KANK1: variants seen among roughly 807,000 people sequenced by gnomAD.
KANK1 encodes KN motif and ankyrin repeat domain-containing protein 1.
A neutral mutation model predicts 106.2 loss-of-function variants in KANK1; 109 were observed. The observed-to-expected ratio is 1.03, with a 90% CI of 0.88 to 1.20. KANK1 has a LOEUF of 1.20. KANK1 is among the 50% of genes most tolerant of loss of function. KANK1 has a pLI of 0.00. For synonymous variants in KANK1, 873 were observed against 652.2 expected, an observed-to-expected ratio of 1.34 and a Z score of -5.16; for missense variants, 2,399 against 1,710.7, an observed-to-expected ratio of 1.40 and a Z score of -7.10.
chr9:645,221 G>A (rs1189914460), intron 1 of KANK1, among the ~76,000 whole-genome samples: 1 of 149,202 alleles, frequency 6.7e-6, no homozygotes, highest in African/African-American at 2.6e-5. Flanking sequence ...TGGGCAGATC[G>A]CTTAGGGTCA....
In KANK1 at chr9:745,272, T is replaced by C. The variant is rs776900220; in HGVS notation, c.*37T>C. On this transcript the variant is annotated 3_prime_UTR_variant, in exon 12 of 12. Coordinates refer to ENST00000382297, the MANE Select transcript of KANK1 (RefSeq NM_015158.5). ...TAGCCCTTTATTTACATGCCACTAT[T>C]AAGCTGCTAATTGTTCCTGTTGGGG... The C allele has an allele frequency of 1.9e-6, 3 of 1,612,844 alleles. No homozygotes were observed. Among genetic ancestry groups the C allele is most frequent in the African/African-American group, 1.3e-5 (1 of 75,010 alleles).
intron 5 of KANK1, 178 bp from the exon 6 acceptor site, chr9:732,200 A>G (rs900301022): frequency 6.3e-6 from 4 of 631,998 alleles, no homozygotes; most frequent in African/African-American, 1.8e-5. Context: ...AGTTTAAGTT[A>G]GAGTCCATTC....
intron 1 of KANK1, among the ~76,000 whole-genome samples, chr9:522,577 G>T (rs527254080): frequency 6.6e-6 from 1 of 151,830 alleles, no homozygotes; most frequent in Admixed American, 6.5e-5. Context: ...GTACCCCAGG[G>T]TTTGTTCTCC....
At chr9:624,962 G>C (rs1467941823) in intron 1 of KANK1, among the ~76,000 whole-genome samples, 1 of 152,200 alleles carries the variant, frequency 6.6e-6, no homozygotes. Context: ...TATGCCCTGA[G>C]CAAGCTATTT....
intron 1 of KANK1, among the ~76,000 whole-genome samples, chr9:592,409 C>G (rs1484476722): frequency 6.6e-6 from 1 of 151,824 alleles, no homozygotes; most frequent in Non-Finnish European, 1.5e-5. Flanking sequence ...TACATCCATA[C>G]TGAATAAATG....
chr9:478,124 CAGAA>C (rs574025017), intron 3 of KANK1: 17 of 210,954 alleles, frequency 8.1e-5, no homozygotes, highest in Non-Finnish European at 8.6e-5. Context: ...GAACCAGAGA[CAGAA>C]AGAAGCAAAA....
intron 2 of KANK1, among the ~76,000 whole-genome samples, chr9:679,748 CCAAAA>C (rs1817150927): frequency 6.6e-6 from 1 of 152,112 alleles, no homozygotes; most frequent in Admixed American, 6.6e-5. Flanking sequence ...TGTCTGAAAA[CCAAAA>C]CAAAAGCAAG....
In KANK1 at chr9:584,991, T is replaced by A. The variant is rs117315980; in HGVS notation, c.-84+80237T>A. 3.3e-5 allele frequency among the ~76,000 whole-genome samples: 5 copies of A among 152,238 alleles called. No individual in the cohort carries two copies. The East Asian group carries it at 9.6e-4, about 29-fold the overall frequency. ...CCATTTTGAAAACTGCCCTTAGGGG[T>A]CATGAGTGACCCCCTTCCTTATTGT... On this transcript the variant is annotated intron_variant, in intron 1 of 11. Transcript: ENST00000382297.
chr9:722,841 G>T (rs1426563737), intron 3 of KANK1, among the ~76,000 whole-genome samples: 1 of 152,166 alleles, frequency 6.6e-6, no homozygotes, highest in East Asian at 1.9e-4. Context: ...CTAAGCACTG[G>T]ACAGGACACC....
chr9:476,926 G>T (rs2058114683), intron 3 of KANK1, among the ~76,000 whole-genome samples: 1 of 152,176 alleles, frequency 6.6e-6, no homozygotes, highest in Non-Finnish European at 1.5e-5. Context: ...TAAACTATGT[G>T]TCTCCCCGAA....
intron 1 of KANK1, among the ~76,000 whole-genome samples, chr9:672,403 T>G (rs1164840534): frequency 6.6e-6 from 1 of 152,224 alleles, no homozygotes; most frequent in Admixed American, 6.5e-5. Context: ...TGTCTTATAA[T>G]GAATGTAATT....
intron 1 of KANK1, among the ~76,000 whole-genome samples, chr9:659,269 G>C (rs1171089727): frequency 6.6e-6 from 1 of 152,114 alleles, no homozygotes; most frequent in Non-Finnish European, 1.5e-5. Flanking sequence ...GGATATTCTT[G>C]GCTCTTGGAG....
Position 732,580 on chromosome 9 carries a change from C to G in KANK1, c.3208C>G (p.Gln1070Glu). Residue 1070 changes from glutamine to glutamate, a missense_variant, in exon 6 of 12, where the codon CAA becomes GAA. By Grantham distance (29) the Gln-to-Glu change is conservative. Transcript: ENST00000382297. ...CAGGGTGGAAGATGAAATGCAGGTT[C>G]AAGAATGTGAACCTGAGAAGGTGGA... is the stretch of plus-strand genomic sequence containing the variant. ...SARVEDEMQV[Q>E]ECEPEKVEIR... is the part of the protein sequence containing the mutation. 1 of 1,614,126 alleles carries G rather than the reference C, an allele frequency of 6.2e-7. No homozygotes were observed. The highest frequency in any genetic ancestry group is 8.5e-7 in the Non-Finnish European group (1 of 1,180,028).
chr9:583,389 T>C (rs1294055356), intron 1 of KANK1, among the ~76,000 whole-genome samples: 1 of 152,148 alleles, frequency 6.6e-6, no homozygotes, highest in Non-Finnish European at 1.5e-5. Flanking sequence ...TGCTTTTGTT[T>C]TTATGATGAT....
chr9:527,130 G>A (rs2059826724), intron 1 of KANK1, among the ~76,000 whole-genome samples: 1 of 151,536 alleles, frequency 6.6e-6, no homozygotes, highest in South Asian at 2.1e-4. Flanking sequence ...TCCTTTCTGT[G>A]TGTTTGCACA....
chr9:481,701 A>G (rs1208347463), intron 3 of KANK1, among the ~76,000 whole-genome samples: 1 of 152,156 alleles, frequency 6.6e-6, no homozygotes, highest in African/African-American at 2.4e-5. Flanking sequence ...AGTGGGGCTT[A>G]AAAGAACAAA....
chr9:602,970 G>C (rs1208620646), intron 1 of KANK1, among the ~76,000 whole-genome samples: 1 of 151,858 alleles, frequency 6.6e-6, no homozygotes, highest in African/African-American at 2.4e-5. Flanking sequence ...GGTTATCATA[G>C]TTACAAATCA....
In KANK1 at chr9:479,655, C is replaced by A. The variant is rs549783267; in HGVS notation, c.-362+6382C>A. ...TTTCAAAAATATGTAAGAATAGTCA[C>A]ATAGGATAAGAATATATTTGATTTT... On this transcript the variant is annotated intron_variant, in intron 3 of 15. Coordinates refer to the KANK1 transcript ENST00000382303. 6.6e-5 allele frequency among the ~76,000 whole-genome samples: 10 copies of A among 152,302 alleles called. No homozygotes were observed. The East Asian group carries it at 1.9e-3, about 29-fold the overall frequency.
chr9:735,833 A>G, intron 7 of KANK1: 1 of 349,162 alleles, frequency 2.9e-6, no homozygotes, highest in Non-Finnish European at 6.1e-6. Flanking sequence ...TTCTCTACTA[A>G]AAATACAAAA....
Sources: allele counts gnomAD v4.1 joint callset (sites outside exome capture counted in the v4.1 genomes callset), GRCh38; gene constraint gnomAD v4.1.1; transcripts MANE v1.5; gene names NCBI Gene and HGNC (gene_info 2026-07-23, HGNC 2026-07-21).